The following CDK11A variants were observed in gnomAD, a reference collection of about 807,000 sequenced individuals.
The protein encoded by CDK11A is cyclin dependent kinase 11A.
In CDK11A, 55 loss-of-function variants were observed where a neutral mutation model predicts 83.6. The observed-to-expected ratio is 0.66, with a 90% CI of 0.53 to 0.82. The LOEUF is 0.82. CDK11A is among the 40% of genes least tolerant of loss of function. The pLI is 0.00. For missense variants in CDK11A, 564 were observed against 810.1 expected (o/e 0.70, Z 3.69); for synonymous variants, 247 against 302.7 (o/e 0.82, Z 1.91).
At chr1:1,715,857 A>G (rs2101258761) in intron 5 of CDK11A, among the ~76,000 whole-genome samples, 1 of 150,924 alleles carries the variant, frequency 6.6e-6, no homozygotes, top group East Asian at 1.9e-4. Context: ...GGGAACGAAT[A>G]TACAGACTAA....
intron 4 of CDK11A, among the ~76,000 whole-genome samples, chr1:1,718,638 C>CT (rs70937182): frequency 0.79 from 107,000 of 134,610 alleles, 44,928 homozygotes; most frequent in Non-Finnish European, 0.92. Flanking sequence ...CTAGAGTATT[C>CT]TTTTTTTTTT....
intron 3 of CDK11A, among the ~76,000 whole-genome samples, chr1:1,721,241 A>G (rs1380381489): frequency 6.6e-6 from 1 of 150,666 alleles, no homozygotes; most frequent in Non-Finnish European, 1.5e-5. Flanking sequence ...CAGCACACTG[A>G]GCACACTGTC....
rs747883755 is a variant in CDK11A at position 1,719,494 on chromosome 1, A to G, written c.228-39T>C. ...CAACAGCACTGCGTCATGCTTGAGA[A>G]AGTGCGGAAAAGCATCAGGCTATTA... On this transcript the variant is annotated intron_variant, in intron 3 of 19. Coordinates refer to ENST00000404249, the MANE Select transcript of CDK11A (RefSeq NM_024011.4). 3 of 1,375,436 alleles carry G rather than the reference A, an allele frequency of 2.2e-6. No individual in the cohort carries two copies. The East Asian group carries it at 8.3e-5, about 38-fold the overall frequency. 85.2% of individuals were successfully genotyped at this position (1,375,436 alleles called of 1,614,324 possible). A position where few individuals can be genotyped will look rare whatever the true frequency, so the allele number is the denominator to read the frequency against.
At chr1:1,706,530 C>G (rs551658949) in intron 11 of CDK11A, among the ~76,000 whole-genome samples, 3 of 151,406 alleles carry the variant, frequency 2.0e-5, no homozygotes, top group East Asian at 3.9e-4. Context: ...GCCTGGATGA[C>G]AGAGACAGAC....
Position 1,705,691 on chromosome 1 carries a change from G to A in CDK11A, c.1287C>T (p.Ile429=), listed in dbSNP as rs1365790230. ...SVEEFQCLNR[I]EEGTYGVVYR... is the part of the protein sequence containing the mutation. ...AGACCACTCCATAGGTGCCCTCCTC[G>A]ATCCTGTTCAGGCACTGGAACTCCT... The change falls in exon 12 of 20, where the codon ATC becomes ATT. Residue 429 remains isoleucine (I), a synonymous_variant. Transcript: ENST00000404249. The A allele has an allele frequency of 9.2e-6, 6 of 649,066 alleles. No homozygotes were observed. Among genetic ancestry groups the A allele is most frequent in the African/African-American group, 9.0e-5 (2 of 22,282 alleles). The allele number at this position is 649,066 out of a possible 1,614,324, so 40.2% of individuals were successfully genotyped here.
chr1:1,719,481 G>C, intron 3 of CDK11A, 26 bp from the exon 4 acceptor site: 1 of 1,413,832 alleles, frequency 7.1e-7, no homozygotes, highest in South Asian at 1.7e-5. Flanking sequence ...ACAGCACTGC[G>C]TCATGCTTGA....
intron 13 of CDK11A, 81 bp from the exon 14 acceptor site, chr1:1,704,736 A>G: frequency 1.2e-6 from 2 of 1,601,100 alleles, no homozygotes; most frequent in Non-Finnish European, 1.7e-6. Context: ...GCTGAGGGAC[A>G]GTAAGGACCT....
At chr1:1,710,673 C>T (rs1309621358) in intron 6 of CDK11A, among the ~76,000 whole-genome samples, 1 of 150,784 alleles carries the variant, frequency 6.6e-6, no homozygotes, top group Non-Finnish European at 1.5e-5. Context: ...ATGTCCCAGA[C>T]AAAGATTTTA....
chr1:1,704,112 G>T lies in CDK11A; in HGVS notation c.1721C>A (p.Ser574Tyr), dbSNP rs745966193. The change falls in exon 16 of 20, where the codon TCC (serine) becomes TAC (tyrosine). Residue 574 changes from serine to tyrosine, a missense_variant. Physicochemically the swap from Ser to Tyr is moderately radical, Grantham distance 144. Transcript: ENST00000404249. Reference sequence around the variant, plus strand: ...GACCGGGGTGTAGGCCTTCAGAGGGGATCCGTACTCCCGCGCCAGCCCAAA... The same window carrying T: ...GACCGGGGTGTAGGCCTTCAGAGGGTATCCGTACTCCCGCGCCAGCCCAAA... ...GDFGLAREYGSPLKAYTPVVV... is the reference protein window; with the variant it reads ...GDFGLAREYGYPLKAYTPVVV... The T allele has an allele frequency of 6.2e-6, 10 of 1,602,804 alleles. No individual in the cohort carries two copies. The African/African-American group carries it at 8.1e-5, about 13-fold the overall frequency.
At chr1:1,718,508 G>A (rs1363992397) in intron 4 of CDK11A, among the ~76,000 whole-genome samples, 3 of 148,996 alleles carry the variant, frequency 2.0e-5, no homozygotes, top group East Asian at 4.0e-4. Context: ...TGTGATACAC[G>A]CACGCTTTCA....
In CDK11A at chr1:1,703,083, C is replaced by T. The variant is rs1379532897; in HGVS notation, c.2247G>A (p.Gln749=). The T allele has an allele frequency of 5.0e-6, 2 of 399,524 alleles. No individual in the cohort carries two copies. The highest frequency in any genetic ancestry group is 1.4e-4 in the African/African-American group (2 of 14,388). 24.7% of individuals were successfully genotyped at this position (399,524 alleles called of 1,614,324 possible). Residue 749 remains glutamine, a synonymous_variant, in exon 19 of 20, where the codon CAG becomes CAA. Transcript: ENST00000404249. ...RPPEGGLGYS[Q]LGDDDLKETG... ...CCCCACCCGCCAGGCCCCTCACCAGCTGGCTGTAGCCCAGGCCTCCCTCAG... is the reference window on the plus strand; with the variant it reads ...CCCCACCCGCCAGGCCCCTCACCAGTTGGCTGTAGCCCAGGCCTCCCTCAG...
rs530096069 is a variant in CDK11A, at chr1:1,718,230, CTG to C, written c.355+1096_355+1097del. 4.3e-4 allele frequency among the ~76,000 whole-genome samples: 64 copies of C among 147,650 alleles called. 1 individual carries two copies. Among genetic ancestry groups the C allele is most frequent in the African/African-American group, 1.5e-3 (61 of 40,078 alleles). ...TCTCTCTATAGCCCTTCTGAATGGTCTGTGACACACGCATGCTTTCAGGTGGA... is the reference window on the plus strand; with the variant it reads ...TCTCTCTATAGCCCTTCTGAATGGTCTGACACACGCATGCTTTCAGGTGGA... On this transcript the variant is annotated intron_variant, in intron 4 of 19. Coordinates refer to ENST00000404249, the MANE Select transcript of CDK11A (RefSeq NM_024011.4).
chr1:1,704,110 G>A lies in CDK11A; in HGVS notation c.1723C>T (p.Pro575Ser), dbSNP rs183405236. The A allele has an allele frequency of 1.9e-6, 3 of 1,602,420 alleles. No individual in the cohort carries two copies. The highest frequency in any genetic ancestry group is 2.2e-5 in the East Asian group (1 of 44,730). ...ACGACCGGGGTGTAGGCCTTCAGAG[G>A]GGATCCGTACTCCCGCGCCAGCCCA... ...DFGLAREYGS[P>S]LKAYTPVVVT... The change falls in exon 16 of 20, where the codon CCT (proline) becomes TCT (serine). Residue 575 changes from proline to serine, a missense_variant. Coordinates refer to ENST00000404249, the MANE Select transcript of CDK11A (RefSeq NM_024011.4).
In CDK11A at chr1:1,708,067, G is replaced by A. The variant is rs1166641398; in HGVS notation, c.1069+113C>T. The stretch of plus-strand genomic sequence containing the variant: ...GCCTGGAGCGGCCAACGAATCAGGC[G>A]GCCTCCCAGACCCTGGCGTGCCCCA... On this transcript the variant is annotated intron_variant, in intron 10 of 19. Transcript: ENST00000404249. 4.2e-5 allele frequency: 62 copies of A among 1,463,428 alleles called. 3 individuals are homozygous for A. The highest frequency in any genetic ancestry group is 4.7e-5 in the East Asian group (2 of 42,430). The allele number at this position is 1,463,428 out of a possible 1,614,324, so 90.7% of individuals were successfully genotyped here. A position where few individuals can be genotyped will look rare whatever the true frequency, so the allele number is the denominator to read the frequency against.
rs751121546 is a variant in CDK11A, at chr1:1,707,503, C to T, written c.1151G>A (p.Ser384Asn). The T allele has an allele frequency of 6.2e-7, 1 of 1,605,022 alleles. No individual in the cohort carries two copies. Among genetic ancestry groups the T allele is most frequent in the African/African-American group, 1.4e-5 (1 of 73,300 alleles). Residue 384 changes from serine to asparagine, a missense_variant, in exon 11 of 20, where the codon AGC (serine) becomes AAC (asparagine). Physicochemically the swap from Ser to Asn is conservative, Grantham distance 46 (BLOSUM62 1). Transcript: ENST00000404249. ...EEVGEGTPQSSALTEGDYVPD... is the reference protein window; with the variant it reads ...EEVGEGTPQSNALTEGDYVPD... ...CACATAGTCGCCCTCTGTCAGGGCG[C>T]TGCTCTGCGGCGTTCCCTCACCCAC...
chr1:1,705,542 G>C lies in CDK11A; in HGVS notation c.1336+100C>G. ...GTGCTGAGGGGTCCAACCTCCAGTA[G>C]CTGCTCAGGTGAAGCGGGCCCAGGT... On this transcript the variant is annotated intron_variant, in intron 12 of 19. Transcript: ENST00000404249. 4.4e-6 allele frequency: 2 copies of C among 451,388 alleles called. 1 individual carries two copies. 28.0% of individuals were successfully genotyped at this position (451,388 alleles called of 1,614,324 possible).
intron 4 of CDK11A, among the ~76,000 whole-genome samples, chr1:1,717,189 T>G (rs1270904056): frequency 2.0e-5 from 3 of 151,252 alleles, no homozygotes; most frequent in African/African-American, 7.3e-5. Flanking sequence ...AATATTCATC[T>G]TTTAAAAATT....
chr1:1,704,301 T>C lies in CDK11A; in HGVS notation c.1608A>G (p.Lys536=), dbSNP rs761178346. Residue 536 remains lysine (K), a synonymous_variant, in exon 15 of 20, where the codon AAA becomes AAG. Coordinates refer to ENST00000404249, the MANE Select transcript of CDK11A (RefSeq NM_024011.4). ...TLMIQLLRGV[K]HLHDNWILHR... is the part of the protein sequence containing the mutation. The stretch of plus-strand genomic sequence containing the variant: ...GCAGGATCCAGTTGTCGTGCAGGTG[T>C]TTCACCCCCCGCAGCAGCTGGATCA... The C allele has an allele frequency of 5.0e-6, 8 of 1,607,054 alleles. No individual in the cohort carries two copies. In the South Asian group the frequency reaches 7.7e-5, roughly 16 times the overall value.
chr1:1,716,402 C>A lies in CDK11A; in HGVS notation c.432G>T (p.Arg144=). Residue 144 remains arginine, a synonymous_variant, in exon 5 of 20, where the codon CGG becomes CGT. Coordinates refer to ENST00000404249, the MANE Select transcript of CDK11A (RefSeq NM_024011.4). ...CCCTTCTCTTCTGTCTTTCCCATTC[C>A]CGGCGAGCTTTATCCTGTTCTTCTC... ...RHREEQDKAR[R]EWERQKRREM... is the part of the protein sequence containing the mutation. 1 of 1,608,922 alleles carries A rather than the reference C, an allele frequency of 6.2e-7. No homozygotes were observed. The highest frequency in any genetic ancestry group is 8.5e-7 in the Non-Finnish European group (1 of 1,176,440).
Sources: allele counts gnomAD v4.1 joint callset (sites outside exome capture counted in the v4.1 genomes callset), GRCh38; gene constraint gnomAD v4.1.1; transcripts MANE v1.5; gene names NCBI Gene and HGNC (gene_info 2026-07-23, HGNC 2026-07-21).